Variants in STK32A observed in about 807,000 individuals in gnomAD.
STK32A encodes the protein serine/threonine kinase 32A.
A neutral mutation model predicts 53.2 loss-of-function variants in STK32A; 41 were observed. The ratio of observed to expected loss-of-function variants is 0.77; its 90% CI spans 0.60 to 1.00. The LOEUF (loss-of-function observed/expected upper bound fraction) is 1.00, where lower values mean the gene tolerates loss of function less well. STK32A is among the 50% of genes least tolerant of loss of function. STK32A has a pLI of 0.00. For missense variants in STK32A, 458 were observed against 485.8 expected, an observed-to-expected ratio of 0.94 and a Z score of 0.54; for synonymous variants, 166 against 162.8, an observed-to-expected ratio of 1.02 and a Z score of -0.15.
intron 2 of STK32A, among the ~76,000 whole-genome samples, chr5:147,262,914 T>G (rs1233526353): frequency 6.6e-6 from 1 of 152,118 alleles, no homozygotes; most frequent in East Asian, 1.9e-4. Flanking sequence ...GAGCTAGAGG[T>G]GAAGGGGAAG....
chr5:147,302,080 A>G (rs978977355), intron 4 of STK32A, among the ~76,000 whole-genome samples: 20 of 152,244 alleles, frequency 1.3e-4, no homozygotes, highest in African/African-American at 4.6e-4. Flanking sequence ...AAAAGAAAAC[A>G]TATTTGCAGG....
At chr5:147,326,886 G>T (rs988739021) in intron 5 of STK32A, among the ~76,000 whole-genome samples, 29 of 151,924 alleles carry the variant, frequency 1.9e-4, no homozygotes, top group African/African-American at 6.3e-4. Context: ...GTGTTTTTTG[G>T]TTTTTTATTT....
At chr5:147,268,757 C>A (rs566915954) in intron 2 of STK32A, among the ~76,000 whole-genome samples, 58 of 152,238 alleles carry the variant, frequency 3.8e-4, no homozygotes, top group Non-Finnish European at 6.2e-4. Flanking sequence ...CAGTTCCAAT[C>A]CTAGACCAAG....
chr5:147,317,035 A>T (rs1380362542), intron 4 of STK32A, among the ~76,000 whole-genome samples: 1 of 151,936 alleles, frequency 6.6e-6, no homozygotes, highest in Non-Finnish European at 1.5e-5. Flanking sequence ...GAATTTTTGC[A>T]TCAAGACAAC....
At chr5:147,330,761 T>G (rs1447487996) in intron 5 of STK32A, among the ~76,000 whole-genome samples, 1 of 152,210 alleles carries the variant, frequency 6.6e-6, no homozygotes, top group Non-Finnish European at 1.5e-5. Flanking sequence ...TACCACACAC[T>G]CATTCCCCTC....
At chr5:147,339,067 G>A (rs76624386) in intron 5 of STK32A, among the ~76,000 whole-genome samples, 4,134 of 152,292 alleles carry the variant, frequency 0.027, 97 homozygotes, top group Middle Eastern at 0.065. Context: ...AAATGTTAAT[G>A]GCCAAGACGA....
At position 147,299,856 on chromosome 5, in the gene STK32A, C is replaced by T. The variant is rs536072630; in HGVS notation, c.260+20458C>T. Among the ~76,000 whole-genome samples the T allele has an allele frequency of 4.7e-4, 72 of 152,242 alleles. 1 individual carries two copies. The highest frequency in any genetic ancestry group is 1.9e-3 in the South Asian group (9 of 4,820). ...CTTTGTATCACAAATTCCAGGATCA[C>T]GATGATAATGAGCCAGGCAGCTAGT... On this transcript the variant is annotated intron_variant, in intron 4 of 12. Transcript: ENST00000397936.
At chr5:147,271,615 T>C (rs1755039276) in intron 2 of STK32A, among the ~76,000 whole-genome samples, 1 of 152,074 alleles carries the variant, frequency 6.6e-6, no homozygotes, top group African/African-American at 2.4e-5. Flanking sequence ...TGAACATCCC[T>C]GAGAAAGAGA....
At chr5:147,389,268 A>G (rs991300717), downstream of STK32A, among the ~76,000 whole-genome samples, 4 of 152,294 alleles carry the variant, frequency 2.6e-5, no homozygotes, top group East Asian at 7.7e-4. Flanking sequence ...CAAGCTTGCG[A>G]ATGGTGCCAC....
chr5:147,242,068 A>C (rs1753602771), intron 2 of STK32A, among the ~76,000 whole-genome samples: 1 of 152,154 alleles, frequency 6.6e-6, no homozygotes, highest in Admixed American at 6.5e-5. Flanking sequence ...CTCTAGAAAA[A>C]CTAGGTTGAA....
chr5:147,308,138 TTATATATATA>T (rs3995475), intron 4 of STK32A, among the ~76,000 whole-genome samples: 1 of 148,346 alleles, frequency 6.7e-6, no homozygotes, highest in African/African-American at 2.5e-5. Context: ...TTCATACATT[TTATATATATA>T]TATATATATA....
At chr5:147,319,139 CTTTTTT>C (rs146817721) in intron 4 of STK32A, among the ~76,000 whole-genome samples, 2 of 100,578 alleles carry the variant, frequency 2.0e-5, no homozygotes, top group African/African-American at 4.0e-5. Context: ...ACAACTGGTA[CTTTTTT>C]TTTTTTTTTT....
chr5:147,340,710 A>G (rs1363987378), intron 5 of STK32A, among the ~76,000 whole-genome samples: 1 of 152,042 alleles, frequency 6.6e-6, no homozygotes, highest in Non-Finnish European at 1.5e-5. Context: ...TCTCTTATAC[A>G]TTTTTCTTAA....
the STK32A span, among the ~76,000 whole-genome samples, chr5:147,399,700 G>C: frequency 6.6e-6 from 1 of 152,136 alleles, no homozygotes; most frequent in African/African-American, 2.4e-5. Context: ...GTGGAATTGA[G>C]ATATTTTTGT....
At chr5:147,254,367 C>A (rs1369748909) in intron 2 of STK32A, among the ~76,000 whole-genome samples, 3 of 152,124 alleles carry the variant, frequency 2.0e-5, no homozygotes, top group Non-Finnish European at 4.4e-5. Flanking sequence ...AAGGATTATA[C>A]GAAATAATGC....
intron 10 of STK32A, among the ~76,000 whole-genome samples, chr5:147,373,657 T>C (rs1757105885): frequency 6.6e-6 from 1 of 152,196 alleles, no homozygotes; most frequent in Non-Finnish European, 1.5e-5. Context: ...CAGAAGTTTG[T>C]GTCCCTAGAG....
intron 2 of STK32A, among the ~76,000 whole-genome samples, chr5:147,268,841 G>C (rs927523143): frequency 2.0e-5 from 3 of 152,214 alleles, no homozygotes; most frequent in African/African-American, 4.8e-5. Context: ...GATCTGAGTT[G>C]TGAGAGAGGG....
At chr5:147,314,730 C>CTTTCTT (rs1425073571) in intron 4 of STK32A, among the ~76,000 whole-genome samples, 4 of 139,494 alleles carry the variant, frequency 2.9e-5, no homozygotes, top group African/African-American at 1.1e-4. Context: ...ATACCTATTG[C>CTTTCTT]TTTCTTTTTC....
At chr5:147,302,439 A>G (rs1486482022) in intron 4 of STK32A, among the ~76,000 whole-genome samples, 2 of 152,198 alleles carry the variant, frequency 1.3e-5, no homozygotes, top group Non-Finnish European at 2.9e-5. Context: ...AGTTCAGGGA[A>G]GTTTAACAGA....
Sources: gnomAD v4.1 joint callset for allele counts (sites outside exome capture counted in the v4.1 genomes callset) on GRCh38, gnomAD v4.1.1 for gene constraint, MANE v1.5 for transcripts, NCBI Gene and HGNC (gene_info 2026-07-23, HGNC 2026-07-21) for gene names.